LTBP1: variants seen among roughly 807,000 people sequenced by gnomAD.
LTBP1 encodes latent-transforming growth factor beta-binding protein 1.
Under a neutral mutation model 207.6 loss-of-function variants are expected in LTBP1, and 129 were observed. The ratio of observed to expected loss-of-function variants is 0.62; its 90% CI spans 0.54 to 0.72. The LOEUF (loss-of-function observed/expected upper bound fraction) is 0.72. LTBP1 is among the 30% of genes least tolerant of loss of function. The pLI, the probability that LTBP1 is intolerant of heterozygous loss-of-function variation, is 0.00. For synonymous variants in LTBP1, 963 were observed against 833.7 expected (o/e 1.16, Z -2.67); for missense variants, 2,281 against 2,217.2 (o/e 1.03, Z -0.58).
At chr2:33,121,231 G>A (rs1572725804) in intron 4 of LTBP1, among the ~76,000 whole-genome samples, 1 of 105,288 alleles carries the variant, frequency 9.5e-6, no homozygotes, top group African/African-American at 3.8e-5. Context: ...AAAAAGTCTT[G>A]TAGCCCAAAC....
chr2:33,018,545 C>A (rs927116691), intron 2 of LTBP1, among the ~76,000 whole-genome samples: 2 of 152,168 alleles, frequency 1.3e-5, no homozygotes, highest in Non-Finnish European at 2.9e-5. Flanking sequence ...CTTCTGTTCT[C>A]TTGGGTGGAT....
chr2:33,100,417 T>C (rs1474331138), intron 3 of LTBP1, among the ~76,000 whole-genome samples: 1 of 150,668 alleles, frequency 6.6e-6, no homozygotes, highest in Admixed American at 6.6e-5. Context: ...ATATGAAGGA[T>C]GGGGGCAGGG....
At chr2:33,148,383 A>T (rs1173102729) in intron 5 of LTBP1, among the ~76,000 whole-genome samples, 3 of 152,222 alleles carry the variant, frequency 2.0e-5, no homozygotes, top group African/African-American at 7.2e-5. Flanking sequence ...TACGTTCTCT[A>T]TGCTGAACTT....
rs747654717 is a variant in LTBP1, at chr2:33,134,495, G to A, written c.1034-298G>A. 5.4e-6 allele frequency: 7 copies of A among 1,303,752 alleles called. No individual in the cohort carries two copies. The highest frequency in any genetic ancestry group is 7.4e-6 in the Non-Finnish European group (7 of 947,832). 80.8% of individuals were successfully genotyped at this position (1,303,752 alleles called of 1,614,324 possible). ...CTCTTTGTCTGCCCGTGAATAAAGT[G>A]CAGCATTGTGGTTAGTAATCCCACT... is the stretch of plus-strand genomic sequence containing the variant. On this transcript the variant is annotated intron_variant, in intron 4 of 33. Transcript: ENST00000404816. This position sits in a 1 kb window ranked among gnomAD's most constrained non-coding sequence, Gnocchi z 4.4.
intron 19 of LTBP1, among the ~76,000 whole-genome samples, chr2:33,290,101 G>A (rs1292284663): frequency 6.6e-6 from 1 of 152,172 alleles, no homozygotes; most frequent in Non-Finnish European, 1.5e-5. Flanking sequence ...TGAAGCAAGT[G>A]CATGCAAAGA....
chr2:33,224,440 T>G (rs568698256), intron 9 of LTBP1, among the ~76,000 whole-genome samples: 1 of 152,188 alleles, frequency 6.6e-6, no homozygotes, highest in Non-Finnish European at 1.5e-5. Context: ...GTTTATTTGT[T>G]TGCCATTTTT....
chr2:33,234,024 AG>A (rs1005024420), intron 9 of LTBP1, among the ~76,000 whole-genome samples: 5 of 151,998 alleles, frequency 3.3e-5, no homozygotes, highest in Non-Finnish European at 7.4e-5. Flanking sequence ...TTTCAACTTC[AG>A]ATCAATTTTA....
At chr2:33,265,518 A>G (rs529513099) in intron 15 of LTBP1, among the ~76,000 whole-genome samples, 61 of 152,358 alleles carry the variant, frequency 4.0e-4, no homozygotes, top group Non-Finnish European at 7.5e-4. Flanking sequence ...TTGCCACCAA[A>G]TATAGTATTT....
intron 9 of LTBP1, among the ~76,000 whole-genome samples, chr2:33,227,460 A>G (rs143456931): frequency 6.6e-6 from 1 of 152,208 alleles, no homozygotes; most frequent in East Asian, 1.9e-4. Flanking sequence ...TAGAGTTAAC[A>G]TAGTACCTCT....
chr2:33,265,589 T>A (rs1231453715), intron 15 of LTBP1, among the ~76,000 whole-genome samples: 1 of 152,132 alleles, frequency 6.6e-6, no homozygotes, highest in Non-Finnish European at 1.5e-5. Context: ...AAATTTAAGA[T>A]GAAGGATAAA....
intron 5 of LTBP1, among the ~76,000 whole-genome samples, chr2:33,143,786 T>C (rs1360103286): frequency 2.2e-5 from 3 of 134,172 alleles, no homozygotes; most frequent in Non-Finnish European, 5.0e-5. Flanking sequence ...TGTTTTTTGT[T>C]GTTTTTTTTT....
intron 5 of LTBP1, among the ~76,000 whole-genome samples, chr2:33,146,008 C>G (rs1254821857): frequency 6.6e-6 from 1 of 152,136 alleles, no homozygotes. Context: ...AGTATTTCTT[C>G]TTTTTACCTG....
intron 3 of LTBP1, among the ~76,000 whole-genome samples, chr2:33,059,987 G>C (rs1196829889): frequency 6.6e-6 from 1 of 152,236 alleles, no homozygotes; most frequent in African/African-American, 2.4e-5. Flanking sequence ...GCTAAGAGAA[G>C]TTTGGAATAA....
At chr2:33,083,509 C>G (rs2078562623) in intron 3 of LTBP1, among the ~76,000 whole-genome samples, 3 of 151,970 alleles carry the variant, frequency 2.0e-5, no homozygotes, top group Non-Finnish European at 4.4e-5. Flanking sequence ...TCCTGTGTGG[C>G]AATGGGAGGC....
chr2:33,021,174 T>C lies in LTBP1; in HGVS notation c.831T>C (p.Pro277=), dbSNP rs746276124. 2 of 1,607,040 alleles carry C rather than the reference T, an allele frequency of 1.2e-6. No homozygotes were observed. Among genetic ancestry groups the C allele is most frequent in the African/African-American group, 2.7e-5 (2 of 74,984 alleles). ...AQMTLTLKPK[P]SVGLPQQIHS... is the part of the protein sequence containing the mutation. ...TGACCTTAACCCTCAAGCCGAAGCC[T>C]TCAGTGGGACTCCCCCAGCAGATAC... Residue 277 remains proline, a synonymous_variant, in exon 3 of 34, where the codon CCT becomes CCC. Coordinates refer to ENST00000404816, the MANE Select transcript of LTBP1 (RefSeq NM_206943.4).
At chr2:32,980,953 T>C (rs181747900) in intron 2 of LTBP1, among the ~76,000 whole-genome samples, 2 of 152,296 alleles carry the variant, frequency 1.3e-5, no homozygotes, top group African/African-American at 4.8e-5. Context: ...CCAGATGTAT[T>C]GCGCTCCATT....
chr2:33,373,150 A>C (rs17012889), intron 31 of LTBP1, among the ~76,000 whole-genome samples: 4,703 of 152,300 alleles, frequency 0.031, 250 homozygotes, highest in African/African-American at 0.11. Context: ...AATGCCACCT[A>C]TTGGCGATGT....
Position 33,377,080 on chromosome 2 carries a change from C to T in LTBP1, c.4711+11577C>T, listed in dbSNP as rs554972650. Among the ~76,000 whole-genome samples the T allele has an allele frequency of 7.2e-5, 11 of 152,248 alleles. No homozygotes were observed. In the East Asian group the frequency reaches 7.7e-4, roughly 11 times the overall value. ...CAGAAGAAAAGCAAACATGGTTTGCCGCAAGGTGAGAATAGTTAAAATAAA... is the reference window on the plus strand; with the variant it reads ...CAGAAGAAAAGCAAACATGGTTTGCTGCAAGGTGAGAATAGTTAAAATAAA... On this transcript the variant is annotated intron_variant, in intron 31 of 33. Transcript: ENST00000404816.
chr2:33,142,369 A>G (rs2082700988), intron 5 of LTBP1, among the ~76,000 whole-genome samples: 1 of 152,108 alleles, frequency 6.6e-6, no homozygotes, highest in Non-Finnish European at 1.5e-5. Flanking sequence ...TTTCTTCAGC[A>G]TTCTTTTATG....
Sources: allele counts gnomAD v4.1 joint callset (sites outside exome capture counted in the v4.1 genomes callset), GRCh38; gene constraint gnomAD v4.1.1; non-coding constraint Gnocchi (gnomAD v3.1); transcripts MANE v1.5; gene names NCBI Gene and HGNC (gene_info 2026-07-23, HGNC 2026-07-21).